MB21D2: variants seen among roughly 807,000 people sequenced by gnomAD.
MB21D2 encodes Mab-21 domain containing 2.
MB21D2 carries 9 observed loss-of-function variants against 33.3 expected under a neutral mutation model. The ratio of observed to expected loss-of-function variants is 0.27; its 90% CI spans 0.16 to 0.47. The LOEUF (loss-of-function observed/expected upper bound fraction) is 0.47, where lower values mean the gene tolerates loss of function less well. Ranked by LOEUF, MB21D2 falls within the 20% of genes least tolerant of loss-of-function variation. The pLI, the probability that MB21D2 is intolerant of heterozygous loss-of-function variation, is 0.99. For synonymous variants in MB21D2, 241 were observed against 236.3 expected (o/e 1.02, Z -0.18); for missense variants, 540 against 624.6 (o/e 0.86, Z 1.44).
At chr3:192,830,356 T>C (rs1021351450) in intron 1 of MB21D2, among the ~76,000 whole-genome samples, 1 of 152,106 alleles carries the variant, frequency 6.6e-6, no homozygotes, top group Non-Finnish European at 1.5e-5. Flanking sequence ...CGTTTCATTT[T>C]AAGCACTGTT....
At chr3:192,832,645 C>G (rs1339474954) in intron 1 of MB21D2, among the ~76,000 whole-genome samples, 1 of 152,108 alleles carries the variant, frequency 6.6e-6, no homozygotes. Context: ...CAAAAATTAG[C>G]TGGACGTGGT....
At chr3:192,886,492 A>G (rs779534459) in intron 1 of MB21D2, among the ~76,000 whole-genome samples, 10 of 152,090 alleles carry the variant, frequency 6.6e-5, no homozygotes, top group Non-Finnish European at 1.5e-4. Flanking sequence ...ACTTTGCTAC[A>G]TTTCCTTCGG....
intron 1 of MB21D2, among the ~76,000 whole-genome samples, chr3:192,820,918 C>T (rs776026512): frequency 6.6e-6 from 1 of 152,112 alleles, no homozygotes; most frequent in African/African-American, 2.4e-5. Flanking sequence ...GCGGTGCCAC[C>T]ACACCCAGCT....
At chr3:192,816,673 G>A (rs971742869) in intron 1 of MB21D2, among the ~76,000 whole-genome samples, 12 of 152,136 alleles carry the variant, frequency 7.9e-5, no homozygotes, top group Admixed American at 5.2e-4. Flanking sequence ...ATGTCACATC[G>A]TCGTTGGTAA....
chr3:192,843,517 T>C (rs1712616567), intron 1 of MB21D2, among the ~76,000 whole-genome samples: 1 of 151,786 alleles, frequency 6.6e-6, no homozygotes, highest in Non-Finnish European at 1.5e-5. Context: ...TAAAAAGCAA[T>C]AGAGGTAGGG....
intron 1 of MB21D2, among the ~76,000 whole-genome samples, chr3:192,871,125 G>C (rs534176221): frequency 1.3e-5 from 2 of 152,124 alleles, no homozygotes; most frequent in African/African-American, 4.8e-5. Flanking sequence ...CAACTCACAC[G>C]GAACATGGGC....
chr3:192,844,575 A>C (rs1458881582), intron 1 of MB21D2, among the ~76,000 whole-genome samples: 1 of 152,186 alleles, frequency 6.6e-6, no homozygotes, highest in East Asian at 1.9e-4. Flanking sequence ...GTGTACAAGC[A>C]CATGTCTCCT....
intron 1 of MB21D2, among the ~76,000 whole-genome samples, chr3:192,852,770 T>C (rs1040789339): frequency 6.6e-6 from 1 of 152,074 alleles, no homozygotes; most frequent in Non-Finnish European, 1.5e-5. Flanking sequence ...AATTTTGCCC[T>C]AGAACTTTCA....
In MB21D2 at chr3:192,900,762, G is replaced by A. The variant is rs186472259; in HGVS notation, c.211+16868C>T. ...TCGAGACAAGCCTGGCCAACATGGT[G>A]AAACCCTGTCTCTACTAAAAATACA... On this transcript the variant is annotated intron_variant, in intron 1 of 1. Coordinates refer to ENST00000392452, the MANE Select transcript of MB21D2 (RefSeq NM_178496.4). Among the ~76,000 whole-genome samples, 5 of 152,190 alleles carry A rather than the reference G, an allele frequency of 3.3e-5. No individual in the cohort carries two copies. The East Asian group carries it at 9.7e-4, about 30-fold the overall frequency.
chr3:192,861,279 C>T (rs1385015419), intron 1 of MB21D2, among the ~76,000 whole-genome samples: 7 of 152,174 alleles, frequency 4.6e-5, no homozygotes, highest in Non-Finnish European at 1.0e-4. Flanking sequence ...ACCATCTCTG[C>T]ATTCATTCAA....
intron 1 of MB21D2, among the ~76,000 whole-genome samples, chr3:192,891,623 G>A (rs571934162): frequency 1.1e-4 from 16 of 152,150 alleles, no homozygotes; most frequent in Middle Eastern, 3.4e-3. Flanking sequence ...ATGATGCCTG[G>A]CACCTAGCAA....
intron 1 of MB21D2, among the ~76,000 whole-genome samples, chr3:192,871,505 G>A (rs1292335120): frequency 6.6e-6 from 1 of 152,190 alleles, no homozygotes; most frequent in African/African-American, 2.4e-5. Context: ...AAGAAGAGCT[G>A]ATATTGTATA....
chr3:192,826,696 C>T (rs1013670655), intron 1 of MB21D2, among the ~76,000 whole-genome samples: 2 of 152,104 alleles, frequency 1.3e-5, no homozygotes, highest in African/African-American at 4.8e-5. Flanking sequence ...ACAGAGAATG[C>T]CCTCAGAGAG....
intron 1 of MB21D2, among the ~76,000 whole-genome samples, chr3:192,840,415 CTTTTTTTTTTTTTTT>C (rs71177380): frequency 7.5e-4 from 66 of 88,296 alleles, no homozygotes; most frequent in African/African-American, 2.4e-3. Flanking sequence ...TCTCTTTTTT[CTTTTTTTTTTTTTTT>C]TTTTTTTTTT....
In MB21D2 at chr3:192,798,128, T is replaced by TA. The variant is rs1160507388; in HGVS notation, c.*257dup. 2.5e-6 allele frequency: 1 copy of TA among 397,784 alleles called. No individual in the cohort carries two copies. The highest frequency in any genetic ancestry group is 2.0e-5 in the African/African-American group (1 of 49,560). The allele number at this position is 397,784 out of a possible 1,614,324, so 24.6% of individuals were successfully genotyped here. Reference sequence around the variant, plus strand: ...TTTCATCTATGGCTTAAGATCTCCTTAAAAAGAAAAAAAACTCCAACAAAC... The same window carrying TA: ...TTTCATCTATGGCTTAAGATCTCCTTAAAAAAGAAAAAAAACTCCAACAAAC... On this transcript the variant is annotated 3_prime_UTR_variant, in exon 2 of 2. Coordinates refer to ENST00000392452, the MANE Select transcript of MB21D2 (RefSeq NM_178496.4). The surrounding 1 kb of genome is among the most constrained non-coding windows in gnomAD (Gnocchi z 4.8).
chr3:192,825,398 T>C (rs755040487), intron 1 of MB21D2, among the ~76,000 whole-genome samples: 1 of 152,134 alleles, frequency 6.6e-6, no homozygotes. Context: ...CAATGGAGTA[T>C]GGAAGAGGCC....
intron 1 of MB21D2, among the ~76,000 whole-genome samples, chr3:192,869,296 G>GGGGAGGA: frequency 7.6e-6 from 1 of 132,290 alleles, no homozygotes; most frequent in East Asian, 2.5e-4. Context: ...GAGGGGAGGA[G>GGGGAGGA]GGGAGGAGGG....
intron 1 of MB21D2, among the ~76,000 whole-genome samples, chr3:192,808,974 A>ATG (rs1711725349): frequency 6.6e-6 from 1 of 152,054 alleles, no homozygotes; most frequent in Non-Finnish European, 1.5e-5. Context: ...ACATCTCATG[A>ATG]CAAGGACTCT....
At chr3:192,880,276 G>A (rs1577194268) in intron 1 of MB21D2, among the ~76,000 whole-genome samples, 1 of 151,840 alleles carries the variant, frequency 6.6e-6, no homozygotes, top group South Asian at 2.1e-4. Flanking sequence ...GAACCCAGGA[G>A]ACGGAGGTTG....
Sources: gnomAD v4.1 joint callset for allele counts (sites outside exome capture counted in the v4.1 genomes callset) on GRCh38, gnomAD v4.1.1 for gene constraint, Gnocchi (gnomAD v3.1) non-coding constraint, MANE v1.5 for transcripts, NCBI Gene and HGNC (gene_info 2026-07-23, HGNC 2026-07-21) for gene names.